TMEM131L: variants seen among roughly 807,000 people sequenced by gnomAD.
TMEM131L encodes transmembrane protein 131-like.
Under a neutral mutation model 192.2 loss-of-function variants are expected in TMEM131L, and 54 were observed. That is an observed-to-expected ratio of 0.28 (90% CI 0.23 to 0.35). The LOEUF is 0.35. Among genes scored for constraint, TMEM131L ranks in the 10% least tolerant of loss-of-function variants. The pLI, the probability that TMEM131L is intolerant of heterozygous loss-of-function variation, is 1.00. For missense variants in TMEM131L, 1,888 were observed against 1,972.9 expected, an observed-to-expected ratio of 0.96 and a Z score of 0.82; for synonymous variants, 701 against 704.9, an observed-to-expected ratio of 0.99 and a Z score of 0.09.
intron 3 of TMEM131L, among the ~76,000 whole-genome samples, chr4:153,501,953 T>TTTG (rs1215574277): frequency 3.3e-5 from 5 of 149,774 alleles, no homozygotes; most frequent in Admixed American, 1.3e-4. Flanking sequence ...GTTTTTTTTT[T>TTTG]TTTTTTTTTT....
intron 6 of TMEM131L, among the ~76,000 whole-genome samples, chr4:153,557,962 G>T (rs1161250618): frequency 1.3e-5 from 2 of 152,124 alleles, no homozygotes; most frequent in Non-Finnish European, 2.9e-5. Flanking sequence ...GCAGAAACAG[G>T]CTTTCACCAT....
chr4:153,620,891 C>A lies in TMEM131L; in HGVS notation c.3692+11C>A. ...TGCTCCAGTCTCAAGGTGCGTAATTCTTACTATCTCTAATATTTTGATCTA... is the reference window on the plus strand; with the variant it reads ...TGCTCCAGTCTCAAGGTGCGTAATTATTACTATCTCTAATATTTTGATCTA... On this transcript the variant is annotated intron_variant, in intron 27 of 34. Transcript: ENST00000409959. 2 of 1,569,524 alleles carry A rather than the reference C, an allele frequency of 1.3e-6. No individual in the cohort carries two copies. The highest frequency in any genetic ancestry group is 2.4e-5 in the South Asian group (2 of 83,016).
At chr4:153,626,333 CT>C in intron 30 of TMEM131L, 108 bp downstream of exon 30, 2 of 699,664 alleles carry the variant, frequency 2.9e-6, no homozygotes, top group Non-Finnish European at 2.4e-6. Flanking sequence ...AATATGAAAA[CT>C]TTTTAAAGAT....
chr4:153,597,175 CAG>C (rs1176339419), intron 20 of TMEM131L, among the ~76,000 whole-genome samples: 4 of 151,722 alleles, frequency 2.6e-5, no homozygotes, highest in Non-Finnish European at 5.9e-5. Flanking sequence ...TAAAGTTCTT[CAG>C]AGTTTATTCA....
rs1466507791 is a variant in TMEM131L at position 153,473,212 on chromosome 4, T to C, written c.196-633T>C. Among the ~76,000 whole-genome samples the C allele has an allele frequency of 2.0e-5, 3 of 152,294 alleles. No homozygotes were observed. The East Asian group carries it at 5.8e-4, about 29-fold the overall frequency. On this transcript the variant is annotated intron_variant, in intron 2 of 34. Transcript: ENST00000409959. ...GGTTCTTGAGCAGGGACTGAAGTGATGACATTGAGTGCTGGGTCCTTACTG... is the reference window on the plus strand; with the variant it reads ...GGTTCTTGAGCAGGGACTGAAGTGACGACATTGAGTGCTGGGTCCTTACTG...
chr4:153,566,006 C>T (rs1311889920), intron 7 of TMEM131L, among the ~76,000 whole-genome samples: 4 of 152,138 alleles, frequency 2.6e-5, no homozygotes, highest in Non-Finnish European at 4.4e-5. Context: ...GGCATTGTCT[C>T]AGAATCTGGC....
At position 153,582,427 on chromosome 4, in the gene TMEM131L, TTTGTTG is replaced by T. The variant is rs1372769237; in HGVS notation, c.893-760_893-755del. Among the ~76,000 whole-genome samples the T allele has an allele frequency of 7.1e-4, 87 of 122,178 alleles. 20 individuals are homozygous for T. Among genetic ancestry groups the T allele is most frequent in the African/African-American group, 4.2e-3 (79 of 18,828 alleles). 80.2% of individuals were successfully genotyped at this position (122,178 alleles called of 152,430 possible). A position where few individuals can be genotyped will look rare whatever the true frequency, so the allele number is the denominator to read the frequency against. ...GCCTGGCTAATTTAAACCGTTTTTT[TTTGTTG>T]TTTTTTTTTTTTTTTTTTTTTTTTT... On this transcript the variant is annotated intron_variant, in intron 9 of 34. Coordinates refer to ENST00000409959, the MANE Select transcript of TMEM131L (RefSeq NM_001131007.2).
rs368620688 is a variant in TMEM131L at position 153,604,440 on chromosome 4, T to G, written c.3418+10T>G. 1.1e-5 allele frequency: 17 copies of G among 1,589,416 alleles called. No individual in the cohort carries two copies. In the African/African-American group the frequency reaches 2.2e-4, roughly 20 times the overall value. On this transcript the variant is annotated intron_variant, in intron 25 of 34. Transcript: ENST00000409959. ...TCCAGGAAAAATAATGGTAATCTTT[T>G]CATCCCCTTTGATAATTCTCTCCTG...
chr4:153,596,253 T>G lies in TMEM131L; in HGVS notation c.1996-5T>G. The G allele has an allele frequency of 6.2e-7, 1 of 1,613,528 alleles. No homozygotes were observed. Among genetic ancestry groups the G allele is most frequent in the Non-Finnish European group, 8.5e-7 (1 of 1,179,636 alleles). ...TATGACATGGTTTAATTTGTTAATT[T>G]GCAGGGTACGCATTCTGAGGAATCC... is the stretch of plus-strand genomic sequence containing the variant. On this transcript the variant is annotated splice_polypyrimidine_tract_variant and splice_region_variant and intron_variant, in intron 19 of 34. Coordinates refer to ENST00000409959, the MANE Select transcript of TMEM131L (RefSeq NM_001131007.2).
At chr4:153,558,113 C>G (rs1281151134) in intron 6 of TMEM131L, 145 bp from the exon 7 acceptor site, 36 of 475,760 alleles carry the variant, frequency 7.6e-5, no homozygotes, top group Admixed American at 6.6e-4. Context: ...TTTTTGTAGA[C>G]AAAGATAAAT....
rs556101812 is a variant in TMEM131L at position 153,532,640 on chromosome 4, C to T, written c.240-17433C>T. Among the ~76,000 whole-genome samples, 76 of 151,886 alleles carry T rather than the reference C, an allele frequency of 5.0e-4. No homozygotes were observed. In the South Asian group the frequency reaches 0.015, roughly 31 times the overall value. On this transcript the variant is annotated intron_variant, in intron 3 of 34. Transcript: ENST00000409959. Reference sequence around the variant, plus strand: ...TAAAGAAAATGTAGTTTGTACTTTTCGACGGACACTTTTTCTTTTTTTTTT... The same window carrying T: ...TAAAGAAAATGTAGTTTGTACTTTTTGACGGACACTTTTTCTTTTTTTTTT...
At chr4:153,519,149 A>G (rs1186184205) in intron 3 of TMEM131L, among the ~76,000 whole-genome samples, 2 of 152,206 alleles carry the variant, frequency 1.3e-5, no homozygotes, top group African/African-American at 4.8e-5. Flanking sequence ...TGAGCATTGT[A>G]GACCTGCTGG....
At chr4:153,527,477 G>A (rs540898657) in intron 3 of TMEM131L, among the ~76,000 whole-genome samples, 2 of 152,214 alleles carry the variant, frequency 1.3e-5, no homozygotes, top group East Asian at 1.9e-4. Flanking sequence ...GTTTCACCAT[G>A]TTGCTCAGGC....
intron 20 of TMEM131L, among the ~76,000 whole-genome samples, chr4:153,597,630 A>G (rs1578831876): frequency 1.3e-5 from 2 of 152,224 alleles, no homozygotes; most frequent in Admixed American, 6.5e-5. Context: ...TCCAATATGC[A>G]TCATTTAAAA....
At chr4:153,518,008 T>C (rs1734852940) in intron 3 of TMEM131L, among the ~76,000 whole-genome samples, 1 of 151,968 alleles carries the variant, frequency 6.6e-6, no homozygotes, top group Non-Finnish European at 1.5e-5. Context: ...GAACTTACGA[T>C]GAGTGTGTGT....
Position 153,546,061 on chromosome 4 carries a change from T to C in TMEM131L, c.240-4012T>C, listed in dbSNP as rs1300410104. Reference sequence around the variant, plus strand: ...CTGAGCTCGGATAATATATATGTTATATATATAGTAATAGAGATGAGGTCT... The same window carrying C: ...CTGAGCTCGGATAATATATATGTTACATATATAGTAATAGAGATGAGGTCT... On this transcript the variant is annotated intron_variant, in intron 3 of 34. Transcript: ENST00000409959. 3.9e-5 allele frequency among the ~76,000 whole-genome samples: 6 copies of C among 151,928 alleles called. No individual in the cohort carries two copies. In the East Asian group the frequency reaches 1.2e-3, roughly 29 times the overall value.
chr4:153,524,886 C>G (rs1335044633), intron 3 of TMEM131L, among the ~76,000 whole-genome samples: 1 of 152,162 alleles, frequency 6.6e-6, no homozygotes, highest in Non-Finnish European at 1.5e-5. Flanking sequence ...TGCCTTTGGC[C>G]AGGATGTAAC....
intron 3 of TMEM131L, among the ~76,000 whole-genome samples, chr4:153,542,350 G>A (rs373717666): frequency 3.3e-5 from 5 of 152,070 alleles, no homozygotes; most frequent in Admixed American, 2.0e-4. Context: ...AAGTCAGCTC[G>A]GTACTTGATT....
intron 20 of TMEM131L, among the ~76,000 whole-genome samples, chr4:153,597,949 A>C (rs1454523492): frequency 6.6e-6 from 1 of 152,158 alleles, no homozygotes; most frequent in Admixed American, 6.5e-5. Context: ...AAATAAATAA[A>C]AATTTAAAAA....
Sources: gnomAD v4.1 joint callset for allele counts (sites outside exome capture counted in the v4.1 genomes callset) on GRCh38, gnomAD v4.1.1 for gene constraint, MANE v1.5 for transcripts, NCBI Gene and HGNC (gene_info 2026-07-23, HGNC 2026-07-21) for gene names.